Variants in MCTP2 observed in about 807,000 individuals in gnomAD.
MCTP2 encodes the protein multiple C2 and transmembrane domain-containing protein 2.
In MCTP2, 132 loss-of-function variants were observed where a neutral mutation model predicts 111.6. That is an observed-to-expected ratio of 1.18 (90% CI 1.03 to 1.37). The LOEUF is 1.37. Among genes scored for constraint, MCTP2 ranks in the 40% most tolerant of loss-of-function variants. The probability of loss-of-function intolerance (pLI) is 0.00; values close to 1 mark genes in which losing one functional copy is unlikely to be tolerated. For synonymous variants in MCTP2, 395 were observed against 387.7 expected (o/e 1.02, Z -0.22); for missense variants, 1,183 against 1,067.9 (o/e 1.11, Z -1.50).
At chr15:94,286,859 G>GA (rs1466810988) in intron 1 of MCTP2, among the ~76,000 whole-genome samples, 2 of 152,122 alleles carry the variant, frequency 1.3e-5, no homozygotes, top group Non-Finnish European at 2.9e-5. Flanking sequence ...TTTGGAGAGG[G>GA]AAAATGCATA....
chr15:94,347,766 A>C (rs2078061281), intron 8 of MCTP2, among the ~76,000 whole-genome samples: 1 of 152,184 alleles, frequency 6.6e-6, no homozygotes. Context: ...AAATATTAAC[A>C]GTGGTTATTT....
chr15:94,364,857 A>G (rs1018914378), intron 10 of MCTP2, among the ~76,000 whole-genome samples: 4 of 152,174 alleles, frequency 2.6e-5, no homozygotes, highest in East Asian at 1.9e-4. Flanking sequence ...ACAAAACTGG[A>G]GCAGTGTGAG....
At chr15:94,409,279 A>T (rs1310782340) in intron 17 of MCTP2, among the ~76,000 whole-genome samples, 2 of 151,530 alleles carry the variant, frequency 1.3e-5, no homozygotes, top group Non-Finnish European at 2.9e-5. Flanking sequence ...TGAACATCGG[A>T]CTCCGAGTTC....
chr15:94,276,797 C>T (rs2074234047), intron 1 of MCTP2, among the ~76,000 whole-genome samples: 2 of 139,832 alleles, frequency 1.4e-5, no homozygotes, highest in Admixed American at 1.4e-4. Flanking sequence ...AATCTTTTGG[C>T]AAAATTCAGC....
intron 1 of MCTP2, among the ~76,000 whole-genome samples, chr15:94,234,406 A>G (rs1007138943): frequency 5.3e-5 from 8 of 152,206 alleles, no homozygotes; most frequent in Non-Finnish European, 1.0e-4. Context: ...TTACAAAAAC[A>G]GGAGTGCTGA....
At chr15:94,464,245 T>TATATATATATA (rs1265916692) in intron 20 of MCTP2, among the ~76,000 whole-genome samples, 1 of 56,690 alleles carries the variant, frequency 1.8e-5, no homozygotes, top group African/African-American at 6.5e-5. Flanking sequence ...ATATAATATA[T>TATATATATATA]ATATATATAT....
intron 1 of MCTP2, among the ~76,000 whole-genome samples, chr15:94,244,684 ATAC>A (rs2071607255): frequency 1.3e-5 from 2 of 148,848 alleles, no homozygotes; most frequent in African/African-American, 5.0e-5. Context: ...CTATGTTTAT[ATAC>A]GTATATGTAT....
At chr15:94,266,076 G>GCACACA (rs1173572674) in intron 1 of MCTP2, among the ~76,000 whole-genome samples, 3 of 57,358 alleles carry the variant, frequency 5.2e-5, no homozygotes, top group African/African-American at 2.3e-4. Flanking sequence ...GCATGCGTGT[G>GCACACA]CGCGCACACA....
intron 8 of MCTP2, among the ~76,000 whole-genome samples, chr15:94,350,562 T>G (rs1256211148): frequency 6.7e-6 from 1 of 149,506 alleles, no homozygotes; most frequent in Non-Finnish European, 1.5e-5. Flanking sequence ...AGAGCGAGAC[T>G]CCGTCTCAAA....
At chr15:94,422,178 A>G (rs1177157731) in intron 17 of MCTP2, among the ~76,000 whole-genome samples, 1 of 152,094 alleles carries the variant, frequency 6.6e-6, no homozygotes. Flanking sequence ...GAGGGCAGGA[A>G]GTCTGGGAGG....
intron 1 of MCTP2, among the ~76,000 whole-genome samples, chr15:94,247,751 G>A (rs114518010): frequency 0.01 from 1,528 of 152,194 alleles, 22 homozygotes; most frequent in African/African-American, 0.035. Context: ...TACACAACAT[G>A]TTTTTCCAAA....
At chr15:94,435,626 A>ATTTTTTTTTTTT (rs1287049287) in intron 17 of MCTP2, among the ~76,000 whole-genome samples, 1 of 132,254 alleles carries the variant, frequency 7.6e-6, no homozygotes, top group African/African-American at 2.8e-5. Context: ...TACTTTTTTT[A>ATTTTTTTTTTTT]TTCTTTTTTT....
chr15:94,290,279 T>C (rs2074973914), intron 1 of MCTP2, among the ~76,000 whole-genome samples: 1 of 152,194 alleles, frequency 6.6e-6, no homozygotes, highest in African/African-American at 2.4e-5. Flanking sequence ...TTATTTGTTA[T>C]GGGAGCAATA....
chr15:94,314,986 G>C, intron 3 of MCTP2: 1 of 326,030 alleles, frequency 3.1e-6, no homozygotes, highest in Non-Finnish European at 6.0e-6. Context: ...CCAGGGAAGA[G>C]CATGTGTCAG....
At chr15:94,418,314 C>T (rs1346475727) in intron 17 of MCTP2, among the ~76,000 whole-genome samples, 1 of 152,136 alleles carries the variant, frequency 6.6e-6, no homozygotes. Flanking sequence ...CTTATCGATA[C>T]ATTTAATGGA....
chr15:94,438,568 T>C (rs1596711844), intron 17 of MCTP2, among the ~76,000 whole-genome samples: 1 of 152,272 alleles, frequency 6.6e-6, no homozygotes, highest in East Asian at 1.9e-4. Context: ...TTCACCATAT[T>C]GATGTCTTTA....
At chr15:94,435,953 G>GT (rs1255234208) in intron 17 of MCTP2, among the ~76,000 whole-genome samples, 5 of 152,014 alleles carry the variant, frequency 3.3e-5, no homozygotes, top group East Asian at 1.9e-4. Flanking sequence ...TTCTAAACAA[G>GT]TTTTTTTTAA....
rs150149342 is a variant in MCTP2 at position 94,476,764 on chromosome 15, C to T, written c.2539C>T (p.Leu847Phe). 3.1e-4 allele frequency: 504 copies of T among 1,606,158 alleles called. No homozygotes were observed. Among genetic ancestry groups the T allele is most frequent in the Non-Finnish European group, 4.0e-4 (469 of 1,173,038 alleles). The change falls in exon 22 of 23, where the codon CTC (leucine) becomes TTC (phenylalanine). Residue 847 changes from leucine (L) to phenylalanine (F), a missense_variant. By Grantham distance (22) the Leu-to-Phe change is conservative. Coordinates refer to ENST00000357742, the MANE Select transcript of MCTP2 (RefSeq NM_001385001.1). ...CGACAATAATGAGCTACTAGACTTC[C>T]TCTCTAGGGTACCGTCTGATGTTCA... The part of the protein sequence containing the change: ...SIDNNELLDF[L>F]SRVPSDVQKV...
chr15:94,257,528 A>G (rs2072856986), intron 1 of MCTP2, among the ~76,000 whole-genome samples: 1 of 144,576 alleles, frequency 6.9e-6, no homozygotes, highest in African/African-American at 2.6e-5. Flanking sequence ...CTTTTTCAGA[A>G]CTATCACATT....
Sources: gnomAD v4.1 joint callset for allele counts (sites outside exome capture counted in the v4.1 genomes callset) on GRCh38, gnomAD v4.1.1 for gene constraint, MANE v1.5 for transcripts, NCBI Gene and HGNC (gene_info 2026-07-23, HGNC 2026-07-21) for gene names.